HERC4: variants seen among roughly 807,000 people sequenced by gnomAD.
HERC4 encodes the protein HECT and RLD domain containing E3 ubiquitin protein ligase 4.
A neutral mutation model predicts 124.3 loss-of-function variants in HERC4; 28 were observed. That is an observed-to-expected ratio of 0.23 (90% confidence interval 0.17 to 0.31). The LOEUF is 0.31. Among genes scored for constraint, HERC4 ranks in the 10% least tolerant of loss-of-function variants. HERC4 has a pLI of 1.00. For synonymous variants in HERC4, 407 were observed against 421.5 expected (o/e 0.97, Z 0.42); for missense variants, 713 against 1,229.3 (o/e 0.58, Z 6.28).
intron 17 of HERC4, chr10:67,956,027 T>C (rs1235190407): frequency 6.6e-6 from 1 of 152,230 alleles, no homozygotes; most frequent in East Asian, 1.9e-4. Flanking sequence ...TAGCTGTTAG[T>C]ATAGAACACT....
chr10:67,998,290 G>A (rs1329063323), intron 9 of HERC4, among the ~76,000 whole-genome samples: 1 of 151,292 alleles, frequency 6.6e-6, no homozygotes, highest in Non-Finnish European at 1.5e-5. Context: ...GCTCATGCCT[G>A]TAATCCCAGC....
At chr10:68,010,600 C>T (rs565384643) in intron 9 of HERC4, 537 of 1,295,050 alleles carry the variant, frequency 4.1e-4, no homozygotes, top group Non-Finnish European at 4.1e-4. Context: ...CAGGCCTGCA[C>T]GAGGGTTTCG....
At position 67,991,170 on chromosome 10, in the gene HERC4, C is replaced by G. The variant is rs1447666515; in HGVS notation, c.1301G>C (p.Gly434Ala). Reference sequence around the variant, plus strand: ...AGCTAAAAAACTTCCATTTAGGCAACCAGAGGAAGAAAACGTTCCATCTAT... The same window carrying G: ...AGCTAAAAAACTTCCATTTAGGCAAGCAGAGGAAGAAAACGTTCCATCTAT... ...NEIDGTFSSSGCLNGSFLAVS... is the reference protein window; with the variant it reads ...NEIDGTFSSSACLNGSFLAVS... The change falls in exon 12 of 25, where the codon GGT becomes GCT. Residue 434 changes from glycine to alanine, a missense_variant. Gly to Ala is a moderately conservative substitution (Grantham distance 60). Transcript: ENST00000373700. 1 of 1,539,532 alleles carries G rather than the reference C, an allele frequency of 6.5e-7. No individual in the cohort carries two copies. Among genetic ancestry groups the G allele is most frequent in the African/African-American group, 1.4e-5 (1 of 72,650 alleles).
intron 15 of HERC4, among the ~76,000 whole-genome samples, chr10:67,974,714 A>G (rs141244713): frequency 1.3e-5 from 2 of 152,196 alleles, no homozygotes; most frequent in African/African-American, 2.4e-5. Context: ...TTGTTTATAT[A>G]ATTTTCATGT....
intron 15 of HERC4, among the ~76,000 whole-genome samples, chr10:67,971,258 A>G (rs1467860244): frequency 6.6e-6 from 1 of 152,144 alleles, no homozygotes; most frequent in Non-Finnish European, 1.5e-5. Context: ...TTTTCAGAAA[A>G]TAAAGAAGGA....
intron 3 of HERC4, among the ~76,000 whole-genome samples, chr10:68,059,546 TATCATAA>T (rs2040765605): frequency 2.9e-5 from 3 of 104,472 alleles, no homozygotes; most frequent in South Asian, 2.7e-4. Flanking sequence ...TCATATTATA[TATCATAA>T]TATATATCAT....
At chr10:67,992,099 G>T in intron 11 of HERC4, 100 bp downstream of exon 11, 1 of 1,104,770 alleles carries the variant, frequency 9.1e-7, no homozygotes, top group South Asian at 1.4e-5. Context: ...GTTTTGCCAT[G>T]TTGCCCAGGC....
chr10:67,922,842 C>T lies in HERC4; in HGVS notation c.*89G>A. The T allele has an allele frequency of 1.1e-6, 1 of 891,328 alleles. No homozygotes were observed. The highest frequency in any genetic ancestry group is 1.8e-6 in the Non-Finnish European group (1 of 571,228). 55.2% of individuals were successfully genotyped at this position (891,328 alleles called of 1,614,324 possible). A position where few individuals can be genotyped will look rare whatever the true frequency, so the allele number is the denominator to read the frequency against. On this transcript the variant is annotated 3_prime_UTR_variant, in exon 25 of 25. Coordinates refer to ENST00000373700, the MANE Select transcript of HERC4 (RefSeq NM_015601.4). ...TCTGCAAGTAAGAATTATAATAGTACCTCTGTCACCTTGCTGAATTCATCA... is the reference window on the plus strand; with the variant it reads ...TCTGCAAGTAAGAATTATAATAGTATCTCTGTCACCTTGCTGAATTCATCA...
At chr10:68,057,585 C>T (rs1038821293) in intron 3 of HERC4, among the ~76,000 whole-genome samples, 1 of 150,202 alleles carries the variant, frequency 6.7e-6, no homozygotes, top group African/African-American at 2.5e-5. Context: ...GATCACGCCA[C>T]TGCACTCCAG....
intron 16 of HERC4, 79 bp downstream of exon 16, chr10:67,966,604 T>C: frequency 7.0e-7 from 1 of 1,427,920 alleles, no homozygotes; most frequent in Non-Finnish European, 9.5e-7. Flanking sequence ...CTTTCTCATT[T>C]CAAAACCAAG....
In HERC4 at chr10:68,053,439, G is replaced by T. The variant is rs150659410; in HGVS notation, c.227-8876C>A. Among the ~76,000 whole-genome samples the T allele has an allele frequency of 3.9e-3, 590 of 151,918 alleles. 5 individuals carry two copies. The highest frequency in any genetic ancestry group is 0.014 in the Middle Eastern group (4 of 292). On this transcript the variant is annotated intron_variant, in intron 3 of 24. Transcript: ENST00000373700. ...CTGCTTCAGCCTCCCGAGTAGCTGGGACCACGGACATGAGCTACCACACCC... is the reference window on the plus strand; with the variant it reads ...CTGCTTCAGCCTCCCGAGTAGCTGGTACCACGGACATGAGCTACCACACCC...
At chr10:68,064,476 C>T (rs2041196195) in intron 3 of HERC4, among the ~76,000 whole-genome samples, 1 of 149,670 alleles carries the variant, frequency 6.7e-6, no homozygotes, top group African/African-American at 2.5e-5. Flanking sequence ...ATCATCTGAA[C>T]CTGGGAGGCG....
chr10:67,992,112 G>A (rs1453070553), intron 11 of HERC4, 87 bp downstream of exon 11: 2 of 1,278,704 alleles, frequency 1.6e-6, no homozygotes, highest in Non-Finnish European at 2.2e-6. Context: ...GCCCAGGCTG[G>A]TCTCCAATTC....
chr10:68,037,902 G>T (rs976487220), intron 5 of HERC4, among the ~76,000 whole-genome samples, 191 bp downstream of exon 5: 6 of 152,136 alleles, frequency 3.9e-5, no homozygotes, highest in African/African-American at 1.4e-4. Flanking sequence ...CTAGCAGTGT[G>T]TGTGTGTGTT....
At chr10:68,050,643 A>G (rs1322162037) in intron 3 of HERC4, among the ~76,000 whole-genome samples, 1 of 152,200 alleles carries the variant, frequency 6.6e-6, no homozygotes, top group African/African-American at 2.4e-5. Context: ...AATACACAAA[A>G]CTGATAACTT....
At chr10:68,061,954 C>A (rs1343977592) in intron 3 of HERC4, among the ~76,000 whole-genome samples, 1 of 148,516 alleles carries the variant, frequency 6.7e-6, no homozygotes, top group African/African-American at 2.5e-5. Context: ...GAGGTGGCAA[C>A]CATTTAGATT....
At chr10:68,052,401 TA>T (rs151300032) in intron 3 of HERC4, among the ~76,000 whole-genome samples, 11,506 of 152,212 alleles carry the variant, frequency 0.076, 1,126 homozygotes, top group African/African-American at 0.23. Flanking sequence ...TTAAAACAGT[TA>T]AAATGATCAA....
chr10:68,064,421 G>A (rs1302875170), intron 3 of HERC4, among the ~76,000 whole-genome samples: 1 of 151,554 alleles, frequency 6.6e-6, no homozygotes, highest in South Asian at 2.1e-4. Flanking sequence ...AAGTGTGGTG[G>A]TGCATGCCTG....
intron 20 of HERC4, among the ~76,000 whole-genome samples, chr10:67,940,427 C>CT (rs921749794): frequency 1.6e-4 from 23 of 146,356 alleles, no homozygotes; most frequent in Admixed American, 6.1e-4. Context: ...TTTAGTCTTT[C>CT]TTTTTTTTTT....
Sources: gnomAD v4.1 joint callset for allele counts (sites outside exome capture counted in the v4.1 genomes callset) on GRCh38, gnomAD v4.1.1 for gene constraint, MANE v1.5 for transcripts, NCBI Gene and HGNC (gene_info 2026-07-23, HGNC 2026-07-21) for gene names.